The following FMNL3 variants were observed in gnomAD, a reference collection of about 807,000 sequenced individuals.
FMNL3 encodes the protein formin-like protein 3.
FMNL3 carries 57 observed loss-of-function variants against 119.6 expected under a neutral mutation model. The observed-to-expected ratio is 0.48, with a 90% CI of 0.39 to 0.59. The LOEUF (loss-of-function observed/expected upper bound fraction) is 0.59, where lower values mean the gene tolerates loss of function less well. Among genes scored for constraint, FMNL3 ranks in the 20% least tolerant of loss-of-function variants. FMNL3 has a pLI of 0.00. For missense variants in FMNL3, 1,053 were observed against 1,323.5 expected, an observed-to-expected ratio of 0.80 and a Z score of 3.17; for synonymous variants, 491 against 507.3, an observed-to-expected ratio of 0.97 and a Z score of 0.43.
Position 49,647,339 on chromosome 12 carries a change from C to T in FMNL3, c.2808G>A (p.Lys936=), listed in dbSNP as rs201166946. Residue 936 remains lysine, a synonymous_variant, in exon 24 of 26, where the codon AAG becomes AAA. Transcript: ENST00000335154. This position sits in a 1 kb window ranked among gnomAD's most constrained non-coding sequence, Gnocchi z 4.9. The part of the protein sequence containing the change: ...KEAEQENEAR[K]KQEEVMREKQ... ...TCTCCCGCATTACCTCCTCCTGCTT[C>T]TTGCGGGCTTCATTCTCTTGTTCTG... 2 of 1,613,662 alleles carry T rather than the reference C, an allele frequency of 1.2e-6. No homozygotes were observed.
At chr12:49,695,608 T>C (rs1026838048) in intron 1 of FMNL3, among the ~76,000 whole-genome samples, 6 of 152,310 alleles carry the variant, frequency 3.9e-5, no homozygotes, top group Non-Finnish European at 8.8e-5. Context: ...AAATGTTAAC[T>C]GTCTTTCCTT....
chr12:49,649,986 T>G lies in FMNL3; in HGVS notation c.2001-61A>C. The G allele has an allele frequency of 6.9e-7, 1 of 1,441,496 alleles. No homozygotes were observed. The highest frequency in any genetic ancestry group is 1.4e-5 in the African/African-American group (1 of 71,206). The allele number at this position is 1,441,496 out of a possible 1,614,324, so 89.3% of individuals were successfully genotyped here. ...TCTCTCCACGTTTTCCCTCATCCCT[T>G]TTATTCTCCAAGCTCCTAGAAGAAC... is the stretch of plus-strand genomic sequence containing the variant. On this transcript the variant is annotated intron_variant, in intron 17 of 25. Transcript: ENST00000335154. This position sits in a 1 kb window ranked among gnomAD's most constrained non-coding sequence, Gnocchi z 5.6.
chr12:49,696,842 T>C (rs1220778920), intron 1 of FMNL3, among the ~76,000 whole-genome samples: 1 of 152,222 alleles, frequency 6.6e-6, no homozygotes, highest in Non-Finnish European at 1.5e-5. Context: ...TCTGAACCAA[T>C]AACCAGGGCT....
chr12:49,653,663 G>A, intron 12 of FMNL3, 62 bp downstream of exon 12: 1 of 1,602,422 alleles, frequency 6.2e-7, no homozygotes, highest in East Asian at 2.2e-5. Flanking sequence ...GTCAGCTCAG[G>A]ATTCCTGGTT....
chr12:49,649,492 T>C lies in FMNL3; in HGVS notation c.2282A>G (p.Gln761Arg). 1 of 1,614,186 alleles carries C rather than the reference T, an allele frequency of 6.2e-7. No homozygotes were observed. The highest frequency in any genetic ancestry group is 8.5e-7 in the Non-Finnish European group (1 of 1,180,042). Residue 761 changes from glutamine to arginine, a missense_variant, in exon 19 of 26, where the codon CAG becomes CGG. Transcript: ENST00000335154. The surrounding 1 kb of genome is among the most constrained non-coding windows in gnomAD (Gnocchi z 5.6). ...CACCTCCAACATCTGCTTCAGCTTC[T>C]GTGAAGACTTGACGGAAGCGGACGC... ...IAASASVKSS[Q>R]KLKQMLEIIL...
At chr12:49,674,181 G>A (rs1944122348) in intron 1 of FMNL3, among the ~76,000 whole-genome samples, 1 of 152,200 alleles carries the variant, frequency 6.6e-6, no homozygotes, top group African/African-American at 2.4e-5. Flanking sequence ...TCCAGAGCTC[G>A]GGTTTGGAGA....
In FMNL3 at chr12:49,641,895, G is replaced by A. The variant is rs1157535927; in HGVS notation, c.*3920C>T. The A allele has an allele frequency of 1.2e-6, 2 of 1,611,270 alleles. No individual in the cohort carries two copies. The highest frequency in any genetic ancestry group is 1.3e-5 in the African/African-American group (1 of 75,016). On this transcript the variant is annotated 3_prime_UTR_variant, in exon 26 of 26. Coordinates refer to ENST00000335154, the MANE Select transcript of FMNL3 (RefSeq NM_175736.5). ...ACGTGGTGCCCCTGCTTCATGCACT[G>A]CTGTACCCACAGGACCGGGGCTTCT...
At position 49,639,659 on chromosome 12, in the gene FMNL3, A is replaced by G. The variant is rs1942330742; in HGVS notation, c.*6156T>C. The stretch of plus-strand genomic sequence containing the variant: ...CATAAAGGTTCTACATAAGATTTCT[A>G]TTTTAATAAACTGTTTCTGCTGTTT... On this transcript the variant is annotated 3_prime_UTR_variant, in exon 26 of 26. Coordinates refer to ENST00000335154, the MANE Select transcript of FMNL3 (RefSeq NM_175736.5). 1 of 152,098 alleles carries G rather than the reference A, an allele frequency of 6.6e-6. No homozygotes were observed. Among genetic ancestry groups the G allele is most frequent in the African/African-American group, 2.4e-5 (1 of 41,394 alleles). The allele number at this position is 152,098 out of a possible 1,614,324, so 9.4% of individuals were successfully genotyped here. A position where few individuals can be genotyped will look rare whatever the true frequency, so the allele number is the denominator to read the frequency against.
In FMNL3 at chr12:49,650,659, G is replaced by C. The variant is rs1943368660; in HGVS notation, c.2000+17C>G. The C allele has an allele frequency of 2.5e-6, 4 of 1,612,028 alleles. No homozygotes were observed. Among genetic ancestry groups the C allele is most frequent in the Non-Finnish European group, 3.4e-6 (4 of 1,179,690 alleles). On this transcript the variant is annotated intron_variant, in intron 17 of 25. Transcript: ENST00000335154. ...CCAACAGACTAGGGACCAGAGCCAG[G>C]TCAGTGGGAGCCTCACGTATGAATG...
intron 2 of FMNL3, among the ~76,000 whole-genome samples, chr12:49,667,048 AG>A (rs1277947404): frequency 7.2e-5 from 11 of 152,144 alleles, no homozygotes; most frequent in African/African-American, 2.7e-4. Flanking sequence ...GCATTCAGCA[AG>A]GTCATCCCTC....
At chr12:49,676,873 A>G (rs975703734) in intron 1 of FMNL3, among the ~76,000 whole-genome samples, 1 of 152,176 alleles carries the variant, frequency 6.6e-6, no homozygotes, top group Admixed American at 6.5e-5. Flanking sequence ...TTTATGCCAT[A>G]ATCTAAGCCA....
At chr12:49,667,106 A>G (rs1364319744) in intron 2 of FMNL3, among the ~76,000 whole-genome samples, 1 of 152,048 alleles carries the variant, frequency 6.6e-6, no homozygotes, top group Non-Finnish European at 1.5e-5. Flanking sequence ...CTTTAGGCCA[A>G]CCCCTTCATC....
intron 1 of FMNL3, among the ~76,000 whole-genome samples, chr12:49,677,208 A>C (rs1230971568): frequency 3.3e-5 from 5 of 152,210 alleles, no homozygotes; most frequent in African/African-American, 9.6e-5. Context: ...CACATTTACT[A>C]ATTACTTTTA....
At chr12:49,699,853 G>A (rs1944853876) in intron 1 of FMNL3, among the ~76,000 whole-genome samples, 1 of 152,182 alleles carries the variant, frequency 6.6e-6, no homozygotes, top group African/African-American at 2.4e-5. Context: ...AACTGGCAAA[G>A]GCTTTAAAAA....
At position 49,643,931 on chromosome 12, in the gene FMNL3, A is replaced by G. The variant is rs1218269440; in HGVS notation, c.*1884T>C. 3.1e-6 allele frequency: 5 copies of G among 1,614,138 alleles called. No individual in the cohort carries two copies. The highest frequency in any genetic ancestry group is 4.2e-6 in the Non-Finnish European group (5 of 1,180,058). Reference sequence around the variant, plus strand: ...GAGAGCGATGAGAAAGAACAAGAACAGGACAAGGACAGGGAGCTCCAACAG... The same window carrying G: ...GAGAGCGATGAGAAAGAACAAGAACGGGACAAGGACAGGGAGCTCCAACAG... On this transcript the variant is annotated 3_prime_UTR_variant, in exon 26 of 26. Transcript: ENST00000335154.
chr12:49,642,021 T>C lies in FMNL3; in HGVS notation c.*3794A>G. On this transcript the variant is annotated 3_prime_UTR_variant, in exon 26 of 26. Coordinates refer to ENST00000335154, the MANE Select transcript of FMNL3 (RefSeq NM_175736.5). The surrounding 1 kb of genome is among the most constrained non-coding windows in gnomAD (Gnocchi z 5.8). ...CAGGCAACATCAAGCTGACCTTCAA[T>C]AGTGTGAGGGGCTGGGCGGGGCGTG... 1.2e-6 allele frequency: 2 copies of C among 1,612,512 alleles called. No individual in the cohort carries two copies. Among genetic ancestry groups the C allele is most frequent in the Non-Finnish European group, 1.7e-6 (2 of 1,179,954 alleles).
chr12:49,676,790 A>G (rs1292699437), intron 1 of FMNL3, among the ~76,000 whole-genome samples: 1 of 152,110 alleles, frequency 6.6e-6, no homozygotes, highest in East Asian at 1.9e-4. Context: ...CTTATGTCCT[A>G]TAGCACAAAT....
intron 1 of FMNL3, among the ~76,000 whole-genome samples, chr12:49,677,007 A>C (rs940146181): frequency 2.6e-5 from 4 of 152,208 alleles, no homozygotes; most frequent in Non-Finnish European, 4.4e-5. Flanking sequence ...AAGATTGGGC[A>C]AATCGAATTT....
At chr12:49,692,487 C>T (rs2139008707) in intron 1 of FMNL3, among the ~76,000 whole-genome samples, 1 of 152,282 alleles carries the variant, frequency 6.6e-6, no homozygotes, top group African/African-American at 2.4e-5. Flanking sequence ...CAACCCCACT[C>T]AATCCCCTCC....
Sources: gnomAD v4.1 joint callset for allele counts (sites outside exome capture counted in the v4.1 genomes callset) on GRCh38, gnomAD v4.1.1 for gene constraint, Gnocchi (gnomAD v3.1) non-coding constraint, MANE v1.5 for transcripts, NCBI Gene and HGNC (gene_info 2026-07-23, HGNC 2026-07-21) for gene names.